The following STPG1 variants were observed in gnomAD, a reference collection of about 807,000 sequenced individuals.
STPG1 encodes O(6)-methylguanine-induced apoptosis 2.
Under a neutral mutation model 40.1 loss-of-function variants are expected in STPG1, and 33 were observed. The observed-to-expected ratio is 0.82, with a 90% CI of 0.62 to 1.10. The LOEUF is 1.10. Among genes scored for constraint, STPG1 ranks in the 50% least tolerant of loss-of-function variants. STPG1 has a pLI of 0.00. For missense variants in STPG1, 396 were observed against 415.1 expected, an observed-to-expected ratio of 0.95 and a Z score of 0.40; for synonymous variants, 150 against 155.0, an observed-to-expected ratio of 0.97 and a Z score of 0.24.
rs957404912 is a variant in STPG1 at position 24,401,975 on chromosome 1, C to T, written c.-68-519G>A. 2.0e-5 allele frequency among the ~76,000 whole-genome samples: 3 copies of T among 152,296 alleles called. No individual in the cohort carries two copies. The East Asian group carries it at 5.8e-4, about 29-fold the overall frequency. ...GTGCTAGGATTACAGGTGTGAGCCACCATGCCTGGCCTATTTTTATTTAAA... is the reference window on the plus strand; with the variant it reads ...GTGCTAGGATTACAGGTGTGAGCCATCATGCCTGGCCTATTTTTATTTAAA... On this transcript the variant is annotated intron_variant, in intron 1 of 8. Transcript: ENST00000337248.
chr1:24,386,181 TG>T, intron 3 of STPG1, among the ~76,000 whole-genome samples: 1 of 152,234 alleles, frequency 6.6e-6, no homozygotes, highest in Non-Finnish European at 1.5e-5. Context: ...GGGACATACT[TG>T]TACTAACAGA....
intron 2 of STPG1, among the ~76,000 whole-genome samples, chr1:24,392,267 G>A (rs1425581881): frequency 6.6e-6 from 1 of 152,200 alleles, no homozygotes; most frequent in East Asian, 1.9e-4. Context: ...TCTAGGCTGC[G>A]ATGTATACAT....
Position 24,360,836 on chromosome 1 carries a change from A to G in STPG1, c.928+15T>C. ...AAGATTTGGTTTTTACAATCATTTA[A>G]AACAATCCTCTGACCTGGGCCAGGC... On this transcript the variant is annotated intron_variant, in intron 8 of 8. Transcript: ENST00000337248. 1.3e-6 allele frequency: 2 copies of G among 1,595,044 alleles called. No homozygotes were observed. The highest frequency in any genetic ancestry group is 1.7e-6 in the Non-Finnish European group (2 of 1,172,142).
At chr1:24,376,438 T>A (rs906506460) in intron 5 of STPG1, among the ~76,000 whole-genome samples, 3 of 151,770 alleles carry the variant, frequency 2.0e-5, no homozygotes, top group Non-Finnish European at 4.4e-5. Context: ...GCGTGTATTA[T>A]TTTCAGGGTC....
chr1:24,375,723 T>C (rs1275462122), intron 5 of STPG1, among the ~76,000 whole-genome samples: 5 of 152,098 alleles, frequency 3.3e-5, no homozygotes, highest in Admixed American at 3.3e-4. Flanking sequence ...ACTCAACCAT[T>C]GTTCTCCTGG....
chr1:24,378,353 AG>A (rs1642124108), intron 5 of STPG1, among the ~76,000 whole-genome samples: 1 of 152,150 alleles, frequency 6.6e-6, no homozygotes, highest in South Asian at 2.1e-4. Flanking sequence ...ATCTTAAATG[AG>A]GCCGGGCACG....
At chr1:24,367,481 G>C (rs1641530078) in intron 7 of STPG1, among the ~76,000 whole-genome samples, 1 of 152,142 alleles carries the variant, frequency 6.6e-6, no homozygotes, top group Non-Finnish European at 1.5e-5. Context: ...AGGTCTATAG[G>C]ATATACAATA....
At chr1:24,386,069 A>G (rs1642491317) in intron 3 of STPG1, among the ~76,000 whole-genome samples, 1 of 152,244 alleles carries the variant, frequency 6.6e-6, no homozygotes, top group South Asian at 2.1e-4. Context: ...GGTTCCAGAC[A>G]AAATGCAAGA....
Position 24,360,709 on chromosome 1 carries a change from A to G in STPG1, c.928+142T>C, listed in dbSNP as rs1569959416. ...ACATTTTTGTACTGTGAAAATGTGA[A>G]CTGATAATGCTTCCAAATCTACCCT... is the stretch of plus-strand genomic sequence containing the variant. On this transcript the variant is annotated intron_variant, in intron 8 of 8. Transcript: ENST00000337248. 8.2e-6 allele frequency: 6 copies of G among 733,482 alleles called. No homozygotes were observed. The East Asian group carries it at 1.6e-4, about 20-fold the overall frequency. The allele number at this position is 733,482 out of a possible 1,614,324, so 45.4% of individuals were successfully genotyped here.
intron 5 of STPG1, among the ~76,000 whole-genome samples, chr1:24,377,331 G>A (rs1393322965): frequency 1.3e-5 from 2 of 152,078 alleles, no homozygotes; most frequent in Admixed American, 6.5e-5. Flanking sequence ...AGAACAAAAT[G>A]TGAACTTCCT....
chr1:24,392,481 G>A (rs780581808), intron 2 of STPG1, among the ~76,000 whole-genome samples: 5 of 152,126 alleles, frequency 3.3e-5, no homozygotes, highest in East Asian at 3.8e-4. Flanking sequence ...CTGGGCAAGC[G>A]GATGAGAAAG....
chr1:24,385,156 C>T lies in STPG1; in HGVS notation c.190-1153G>A, dbSNP rs369823957. 7.2e-5 allele frequency among the ~76,000 whole-genome samples: 11 copies of T among 152,354 alleles called. No individual in the cohort carries two copies. In the East Asian group the frequency reaches 2.1e-3, roughly 29 times the overall value. On this transcript the variant is annotated intron_variant, in intron 3 of 8. Transcript: ENST00000337248. ...TAGGGTAGAAAGCCCAAGGTACCATCAGTGCCTTCCAGGACTTTCCAGTCT... is the reference window on the plus strand; with the variant it reads ...TAGGGTAGAAAGCCCAAGGTACCATTAGTGCCTTCCAGGACTTTCCAGTCT...
chr1:24,360,180 C>T (rs977007060), intron 8 of STPG1, among the ~76,000 whole-genome samples: 27 of 152,212 alleles, frequency 1.8e-4, no homozygotes, highest in African/African-American at 6.0e-4. Flanking sequence ...CACAGTGGCT[C>T]ACGCCTGTAA....
In STPG1 at chr1:24,379,608, C is replaced by A. The variant is rs41311987; in HGVS notation, c.462+45G>T. ...CCCCTCTTCCTTTTATTTTAGTAAA[C>A]CATTAATTCGATCTGTATTTAGCAA... On this transcript the variant is annotated intron_variant, in intron 5 of 8. Transcript: ENST00000337248. 2,784 of 1,591,254 alleles carry A rather than the reference C, an allele frequency of 1.7e-3. 6 individuals are homozygous for A. The highest frequency in any genetic ancestry group is 2.1e-3 in the Non-Finnish European group (2,419 of 1,160,124).
chr1:24,400,099 A>G (rs900532001), intron 2 of STPG1, among the ~76,000 whole-genome samples: 4 of 152,238 alleles, frequency 2.6e-5, no homozygotes, highest in African/African-American at 9.6e-5. Flanking sequence ...TTTATTCATA[A>G]TAGCCCCAAA....
chr1:24,405,840 T>C (rs532957889), intron 1 of STPG1, among the ~76,000 whole-genome samples: 1 of 152,292 alleles, frequency 6.6e-6, no homozygotes, highest in East Asian at 1.9e-4. Flanking sequence ...CATGGCCATT[T>C]TGGCTTTCTT....
intron 7 of STPG1, 47 bp from the exon 8 acceptor site, chr1:24,361,088 G>A: frequency 3.3e-6 from 5 of 1,514,244 alleles, no homozygotes; most frequent in Non-Finnish European, 4.5e-6. Flanking sequence ...CAGTCTAGTG[G>A]GGAAGGCACA....
At chr1:24,412,872 C>A (rs1643771251) in intron 1 of STPG1, among the ~76,000 whole-genome samples, 1 of 152,174 alleles carries the variant, frequency 6.6e-6, no homozygotes, top group Non-Finnish European at 1.5e-5. Context: ...CTCACATGAT[C>A]ACAACTATAG....
intron 3 of STPG1, among the ~76,000 whole-genome samples, chr1:24,390,484 T>A (rs1031350502): frequency 3.3e-5 from 5 of 152,112 alleles, no homozygotes; most frequent in African/African-American, 1.2e-4. Flanking sequence ...AGTAGTGCGA[T>A]CTCGGCTCAC....
Sources: gnomAD v4.1 joint callset for allele counts (sites outside exome capture counted in the v4.1 genomes callset) on GRCh38, gnomAD v4.1.1 for gene constraint, MANE v1.5 for transcripts, NCBI Gene and HGNC (gene_info 2026-07-23, HGNC 2026-07-21) for gene names.